CA10: variants seen among roughly 807,000 people sequenced by gnomAD.
CA10 encodes carbonic anhydrase 10 (inactive), also known as carbonic anhydrase-related protein 10.
CA10 carries 14 observed loss-of-function variants against 44.2 expected under a neutral mutation model. That is an observed-to-expected ratio of 0.32 (90% CI 0.21 to 0.50). CA10 has a LOEUF of 0.50. Ranked by LOEUF, CA10 falls within the 20% of genes least tolerant of loss-of-function variation. The pLI is 0.99. For missense variants in CA10, 350 were observed against 409.7 expected, an observed-to-expected ratio of 0.85 and a Z score of 1.26; for synonymous variants, 159 against 141.6, an observed-to-expected ratio of 1.12 and a Z score of -0.87.
chr17:51,737,535 A>G (rs1916952854), intron 4 of CA10, among the ~76,000 whole-genome samples: 1 of 151,760 alleles, frequency 6.6e-6, no homozygotes. Context: ...TTACCCTATA[A>G]TATATATATA....
At chr17:51,887,863 A>G (rs1980682330) in intron 3 of CA10, among the ~76,000 whole-genome samples, 2 of 151,496 alleles carry the variant, frequency 1.3e-5, no homozygotes, top group Admixed American at 6.6e-5. Context: ...AAGAAAAAAA[A>G]AAAAGAAAAA....
intron 3 of CA10, among the ~76,000 whole-genome samples, chr17:51,810,113 A>G (rs1907298195): frequency 6.6e-6 from 1 of 152,172 alleles, no homozygotes; most frequent in Non-Finnish European, 1.5e-5. Flanking sequence ...TCATCCAGTC[A>G]TTTCCCATAG....
intron 2 of CA10, among the ~76,000 whole-genome samples, chr17:52,033,561 G>A (rs996097437): frequency 1.8e-4 from 27 of 152,052 alleles, no homozygotes; most frequent in African/African-American, 6.0e-4. Flanking sequence ...ATTTAATAGG[G>A]TACTATTCAG....
At chr17:52,068,479 T>C (rs1265026837) in intron 2 of CA10, among the ~76,000 whole-genome samples, 1 of 152,198 alleles carries the variant, frequency 6.6e-6, no homozygotes, top group Non-Finnish European at 1.5e-5. Flanking sequence ...GCCTGTGCTG[T>C]CAAGTATTCC....
chr17:51,701,835 T>C (rs1597995248), intron 4 of CA10, among the ~76,000 whole-genome samples: 1 of 152,140 alleles, frequency 6.6e-6, no homozygotes, highest in African/African-American at 2.4e-5. Context: ...CTACAAAAGG[T>C]TTTACGACTA....
chr17:51,950,541 A>G (rs549389310), intron 2 of CA10, among the ~76,000 whole-genome samples: 3 of 152,094 alleles, frequency 2.0e-5, no homozygotes, highest in Non-Finnish European at 4.4e-5. Context: ...TCCCAAGGTC[A>G]CACCTCCTAT....
chr17:52,121,850 T>C (rs2143318918), intron 1 of CA10, among the ~76,000 whole-genome samples: 1 of 152,320 alleles, frequency 6.6e-6, no homozygotes, highest in East Asian at 1.9e-4. Flanking sequence ...TCTCATCCAA[T>C]GGCCTCCAGA....
chr17:51,662,595 AACAAGTT>A (rs1175652106), intron 4 of CA10, among the ~76,000 whole-genome samples: 4 of 152,246 alleles, frequency 2.6e-5, no homozygotes, highest in African/African-American at 9.6e-5. Flanking sequence ...GAAAGTCATT[AACAAGTT>A]TGTCTTCATG....
At chr17:52,023,154 A>T (rs1446140065) in intron 2 of CA10, among the ~76,000 whole-genome samples, 1 of 152,080 alleles carries the variant, frequency 6.6e-6, no homozygotes, top group Non-Finnish European at 1.5e-5. Context: ...TGGCTAAACG[A>T]TCCTAAGCAA....
intron 2 of CA10, among the ~76,000 whole-genome samples, chr17:52,057,925 G>T (rs1987275652): frequency 6.6e-6 from 1 of 151,728 alleles, no homozygotes; most frequent in South Asian, 2.1e-4. Flanking sequence ...TTTCTCAAGA[G>T]GTTGATTAGC....
At chr17:52,025,083 C>T (rs1023284436) in intron 2 of CA10, among the ~76,000 whole-genome samples, 8 of 151,940 alleles carry the variant, frequency 5.3e-5, no homozygotes, top group East Asian at 3.9e-4. Context: ...CCTCCCAACC[C>T]CTGGTCCATG....
At chr17:51,905,040 C>T (rs181889734) in intron 3 of CA10, among the ~76,000 whole-genome samples, 12 of 152,224 alleles carry the variant, frequency 7.9e-5, no homozygotes, top group Middle Eastern at 3.4e-3. Context: ...ACATTCAGCA[C>T]GATAGATAAT....
At chr17:51,688,201 C>CT (rs1422875478) in intron 4 of CA10, among the ~76,000 whole-genome samples, 2 of 152,200 alleles carry the variant, frequency 1.3e-5, no homozygotes, top group Non-Finnish European at 2.9e-5. Context: ...ATCTTCTACC[C>CT]CAGTCAAGCC....
At chr17:52,109,948 C>G (rs1988754764) in intron 1 of CA10, among the ~76,000 whole-genome samples, 1 of 152,194 alleles carries the variant, frequency 6.6e-6, no homozygotes, top group Non-Finnish European at 1.5e-5. Flanking sequence ...CCTCTGGCAT[C>G]ATGATCACAG....
chr17:51,956,629 C>T (rs1209906363), intron 2 of CA10, among the ~76,000 whole-genome samples: 5 of 152,130 alleles, frequency 3.3e-5, no homozygotes, highest in Non-Finnish European at 4.4e-5. Context: ...GGAAGTGGAT[C>T]TGGATTGATC....
At chr17:51,837,355 G>A (rs1223363814) in intron 3 of CA10, among the ~76,000 whole-genome samples, 3 of 152,208 alleles carry the variant, frequency 2.0e-5, no homozygotes, top group Admixed American at 6.5e-5. Flanking sequence ...CAGTGGGGAT[G>A]ACGTGAGGGC....
chr17:51,864,756 G>A (rs1218920140), intron 3 of CA10, among the ~76,000 whole-genome samples: 2 of 152,142 alleles, frequency 1.3e-5, no homozygotes, highest in South Asian at 2.1e-4. Flanking sequence ...CATTTGAGTT[G>A]CCACTCCATT....
intron 1 of CA10, among the ~76,000 whole-genome samples, chr17:52,118,536 A>G (rs1419807983): frequency 6.6e-6 from 1 of 152,140 alleles, no homozygotes; most frequent in Non-Finnish European, 1.5e-5. Context: ...CAGCTTTTGG[A>G]TGCTACAGAT....
At chr17:52,120,255 AACTCCAAAT>A (rs1988984357) in intron 1 of CA10, among the ~76,000 whole-genome samples, 1 of 152,086 alleles carries the variant, frequency 6.6e-6, no homozygotes, top group African/African-American at 2.4e-5. Context: ...CAGGCCATCA[AACTCCAAAT>A]ACTCCAAATA....
Sources: allele counts gnomAD v4.1 joint callset (sites outside exome capture counted in the v4.1 genomes callset), GRCh38; gene constraint gnomAD v4.1.1; transcripts MANE v1.5; gene names NCBI Gene and HGNC (gene_info 2026-07-23, HGNC 2026-07-21).